DNAJC11: variants seen among roughly 807,000 people sequenced by gnomAD.
The protein encoded by DNAJC11 is dnaJ homolog subfamily C member 11.
In DNAJC11, 15 loss-of-function variants were observed where a neutral mutation model predicts 78.6. The ratio of observed to expected loss-of-function variants is 0.19; its 90% CI spans 0.13 to 0.29. The LOEUF (loss-of-function observed/expected upper bound fraction) is 0.29. Among genes scored for constraint, DNAJC11 ranks in the 10% least tolerant of loss-of-function variants. The probability of loss-of-function intolerance (pLI) is 1.00; values close to 1 mark genes in which losing one functional copy is unlikely to be tolerated. For synonymous variants in DNAJC11, 292 were observed against 272.1 expected, an observed-to-expected ratio of 1.07 and a Z score of -0.72; for missense variants, 547 against 709.6, an observed-to-expected ratio of 0.77 and a Z score of 2.60.
chr1:6,643,229 C>A (rs923503914), intron 10 of DNAJC11, among the ~76,000 whole-genome samples: 2 of 151,738 alleles, frequency 1.3e-5, no homozygotes, highest in African/African-American at 2.4e-5. Context: ...AGAGGCCTGA[C>A]TGGAGCACGT....
At chr1:6,677,011 T>C (rs1469446730) in intron 3 of DNAJC11, among the ~76,000 whole-genome samples, 1 of 151,962 alleles carries the variant, frequency 6.6e-6, no homozygotes, top group East Asian at 1.9e-4. Context: ...CTGTCTCTAC[T>C]ACAAATACAA....
chr1:6,689,774 C>CAA (rs111794307), intron 1 of DNAJC11, among the ~76,000 whole-genome samples: 3 of 125,814 alleles, frequency 2.4e-5, no homozygotes, highest in Admixed American at 8.0e-5. Flanking sequence ...GAAACTCCGT[C>CAA]AAAAAAAAAA....
rs772429768 is a variant in DNAJC11, at chr1:6,654,059, C to T, written c.379-20G>A. Reference sequence around the variant, plus strand: ...CGTTCCCTGGGGCAGAAAAACAAGCCGTCAGCAGAACGGGTGGTATTTGTG... The same window carrying T: ...CGTTCCCTGGGGCAGAAAAACAAGCTGTCAGCAGAACGGGTGGTATTTGTG... On this transcript the variant is annotated intron_variant, in intron 4 of 15. Transcript: ENST00000377577. The T allele has an allele frequency of 9.9e-6, 16 of 1,610,174 alleles. No homozygotes were observed. The highest frequency in any genetic ancestry group is 6.6e-5 in the South Asian group (6 of 90,936).
chr1:6,701,686 G>C lies in DNAJC11; in HGVS notation c.72+43C>G, dbSNP rs200291431. 1.5e-4 allele frequency: 223 copies of C among 1,494,502 alleles called. No homozygotes were observed. In the African/African-American group the frequency reaches 2.9e-3, roughly 19 times the overall value. The allele number at this position is 1,494,502 out of a possible 1,614,324, so 92.6% of individuals were successfully genotyped here. The stretch of plus-strand genomic sequence containing the variant: ...GCCAGCCCGGCCCTCCCGAACGACC[G>C]GGCTCGGCCTCAGCCCCCAGAGCGT... On this transcript the variant is annotated intron_variant, in intron 1 of 15. Coordinates refer to ENST00000377577, the MANE Select transcript of DNAJC11 (RefSeq NM_018198.4).
chr1:6,672,547 T>G (rs1398586629), intron 3 of DNAJC11, among the ~76,000 whole-genome samples: 1 of 152,220 alleles, frequency 6.6e-6, no homozygotes, highest in African/African-American at 2.4e-5. Context: ...TTTACACAAA[T>G]TTTGCAAATA....
At chr1:6,666,425 T>G (rs371350323) in intron 4 of DNAJC11, among the ~76,000 whole-genome samples, 3 of 150,274 alleles carry the variant, frequency 2.0e-5, no homozygotes, top group African/African-American at 7.4e-5. Flanking sequence ...CTCACTCTGT[T>G]GTCCAGGCTG....
chr1:6,635,940 C>G (rs943724802), intron 15 of DNAJC11, among the ~76,000 whole-genome samples, 177 bp downstream of exon 15: 1 of 152,234 alleles, frequency 6.6e-6, no homozygotes, highest in Non-Finnish European at 1.5e-5. Flanking sequence ...CCCAGCCCCC[C>G]TTTTAGGGCA....
chr1:6,640,164 G>A, intron 10 of DNAJC11, 107 bp from the exon 11 acceptor site: 5 of 1,366,646 alleles, frequency 3.7e-6, no homozygotes, highest in Non-Finnish European at 4.8e-6. Context: ...GCTGCGTGCA[G>A]CTGCGAGTTA....
chr1:6,640,034 T>C lies in DNAJC11; in HGVS notation c.1121A>G (p.Tyr374Cys). 6.2e-7 allele frequency: 1 copy of C among 1,600,238 alleles called. No individual in the cohort carries two copies. Among genetic ancestry groups the C allele is most frequent in the South Asian group, 1.1e-5 (1 of 90,294 alleles). ...GTCCGTCAAGTGAATAGGGAAGAAG[T>C]ATGTCTGACTGGCCCTGTTGAGCCT... ...KVKLNRASQTYFFPIHLTDQL... is the reference protein window; with the variant it reads ...KVKLNRASQTCFFPIHLTDQL... The change falls in exon 11 of 16, where the codon TAC (tyrosine) becomes TGC (cysteine). Residue 374 changes from tyrosine (Y) to cysteine (C), a missense_variant. Coordinates refer to ENST00000377577, the MANE Select transcript of DNAJC11 (RefSeq NM_018198.4).
At chr1:6,648,884 C>T (rs1311187229) in intron 7 of DNAJC11, among the ~76,000 whole-genome samples, 3 of 152,220 alleles carry the variant, frequency 2.0e-5, no homozygotes, top group Non-Finnish European at 4.4e-5. Context: ...GTCCCCTTTG[C>T]AGACCCAGTA....
chr1:6,696,478 G>A (rs935684203), intron 1 of DNAJC11, among the ~76,000 whole-genome samples: 5 of 152,124 alleles, frequency 3.3e-5, no homozygotes, highest in African/African-American at 1.2e-4. Flanking sequence ...AGTGACCAGG[G>A]GACCTTCCTC....
intron 1 of DNAJC11, among the ~76,000 whole-genome samples, chr1:6,701,128 G>A (rs1642919692): frequency 6.6e-6 from 1 of 152,174 alleles, no homozygotes; most frequent in Non-Finnish European, 1.5e-5. Context: ...CGAGCCGAGG[G>A]TCTGTGTCCC....
Position 6,634,878 on chromosome 1 carries a change from G to C in DNAJC11, c.*797C>G, listed in dbSNP as rs1357252314. On this transcript the variant is annotated 3_prime_UTR_variant, in exon 16 of 16. Transcript: ENST00000377577. The stretch of plus-strand genomic sequence containing the variant: ...GCGCCTGGTCCTGTCCTCTTGAGCT[G>C]CCCTTGCCCAGCACTGCACTCTGGA... 3 of 1,209,448 alleles carry C rather than the reference G, an allele frequency of 2.5e-6. No individual in the cohort carries two copies. The highest frequency in any genetic ancestry group is 3.2e-6 in the Non-Finnish European group (3 of 944,020). The allele number at this position is 1,209,448 out of a possible 1,614,324, so 74.9% of individuals were successfully genotyped here. A position where few individuals can be genotyped will look rare whatever the true frequency, so the allele number is the denominator to read the frequency against.
chr1:6,680,779 A>T lies in DNAJC11; in HGVS notation c.202+129T>A. 9.0e-7 allele frequency: 1 copy of T among 1,107,542 alleles called. No homozygotes were observed. The highest frequency in any genetic ancestry group is 1.3e-6 in the Non-Finnish European group (1 of 793,798). 68.6% of individuals were successfully genotyped at this position (1,107,542 alleles called of 1,614,324 possible). On this transcript the variant is annotated intron_variant, in intron 2 of 15. Transcript: ENST00000377577. This position sits in a 1 kb window ranked among gnomAD's most constrained non-coding sequence, Gnocchi z 4.0. ...CTTTCAAAGGACCCTGTCAGTGAAA[A>T]GTACTAAACTAACCACCTGTTTTAT...
chr1:6,691,091 G>A (rs1441953946), intron 1 of DNAJC11, among the ~76,000 whole-genome samples: 3 of 149,592 alleles, frequency 2.0e-5, no homozygotes, highest in Non-Finnish European at 4.4e-5. Flanking sequence ...TTAACACAGA[G>A]TTAAGGAAAA....
intron 3 of DNAJC11, among the ~76,000 whole-genome samples, chr1:6,668,715 C>T (rs185292368): frequency 3.9e-5 from 6 of 152,064 alleles, no homozygotes; most frequent in African/African-American, 4.8e-5. Context: ...ATTGCAGGCA[C>T]GAGCCACCAT....
chr1:6,639,710 C>T (rs950005481), intron 11 of DNAJC11, among the ~76,000 whole-genome samples, 192 bp downstream of exon 11: 7 of 152,314 alleles, frequency 4.6e-5, no homozygotes, highest in African/African-American at 1.4e-4. Flanking sequence ...AGTCCAACTA[C>T]GGACAATGAG....
At chr1:6,639,236 C>T (rs1343582502) in intron 11 of DNAJC11, among the ~76,000 whole-genome samples, 2 of 151,988 alleles carry the variant, frequency 1.3e-5, no homozygotes, top group Non-Finnish European at 1.5e-5. Flanking sequence ...CCCTCACATA[C>T]GGATCCAGAA....
At chr1:6,695,529 T>C (rs1377491060) in intron 1 of DNAJC11, among the ~76,000 whole-genome samples, 1 of 149,314 alleles carries the variant, frequency 6.7e-6, no homozygotes, top group Non-Finnish European at 1.5e-5. Context: ...CAGTGGCTCA[T>C]GCCTGTAATC....
Sources: allele counts gnomAD v4.1 joint callset (sites outside exome capture counted in the v4.1 genomes callset), GRCh38; gene constraint gnomAD v4.1.1; non-coding constraint Gnocchi (gnomAD v3.1); transcripts MANE v1.5; gene names NCBI Gene and HGNC (gene_info 2026-07-23, HGNC 2026-07-21).